The following RELN variants were observed in gnomAD, a reference collection of about 807,000 sequenced individuals.
The protein encoded by RELN is reelin.
RELN carries 108 observed loss-of-function variants against 427.6 expected under a neutral mutation model. The ratio of observed to expected loss-of-function variants is 0.25; its 90% CI spans 0.22 to 0.30. RELN has a LOEUF of 0.30. Among genes scored for constraint, RELN ranks in the 10% least tolerant of loss-of-function variants. RELN has a pLI of 1.00. For synonymous variants in RELN, 1,524 were observed against 1,513.4 expected (o/e 1.01, Z -0.16); for missense variants, 3,715 against 4,302.8 (o/e 0.86, Z 3.82).
chr7:103,694,750 C>A (rs976760259), intron 10 of RELN, among the ~76,000 whole-genome samples: 1 of 151,724 alleles, frequency 6.6e-6, no homozygotes, highest in Non-Finnish European at 1.5e-5. Context: ...ACCTTGAAGT[C>A]CTGGGCTCAA....
chr7:103,667,867 CA>C (rs1833305068), intron 11 of RELN, among the ~76,000 whole-genome samples: 1 of 152,138 alleles, frequency 6.6e-6, no homozygotes, highest in Non-Finnish European at 1.5e-5. Context: ...GAACACCAAA[CA>C]AATAGCATAT....
chr7:103,880,466 T>C (rs10953394), intron 2 of RELN, among the ~76,000 whole-genome samples: 1 of 151,956 alleles, frequency 6.6e-6, no homozygotes, highest in Non-Finnish European at 1.5e-5. Context: ...ATATATTCAA[T>C]GTCCAGTTCA....
intron 4 of RELN, among the ~76,000 whole-genome samples, chr7:103,770,168 C>G (rs192393043): frequency 6.6e-6 from 1 of 152,076 alleles, no homozygotes; most frequent in African/African-American, 2.4e-5. Context: ...CACTGCTACC[C>G]CCACCTCCTG....
intron 61 of RELN, among the ~76,000 whole-genome samples, chr7:103,485,025 A>C (rs76244556): frequency 0.015 from 2,289 of 152,282 alleles, 69 homozygotes; most frequent in African/African-American, 0.053. Flanking sequence ...GAAATAAATC[A>C]TCATAAGATT....
At chr7:103,859,377 T>C (rs1794019318) in intron 2 of RELN, among the ~76,000 whole-genome samples, 1 of 152,136 alleles carries the variant, frequency 6.6e-6, no homozygotes, top group East Asian at 1.9e-4. Context: ...CAGTGAAACC[T>C]CCACCTCCCA....
In RELN at chr7:103,482,864, G is replaced by C. The variant is rs1276708261; in HGVS notation, c.10280+9C>G. ...AATGGACATGGGATGCCATGTAATA[G>C]ATACTCACAGGACGACCTCCACATG... is the stretch of plus-strand genomic sequence containing the variant. On this transcript the variant is annotated intron_variant, in intron 63 of 64. Coordinates refer to ENST00000428762, the MANE Select transcript of RELN (RefSeq NM_005045.4). The C allele has an allele frequency of 6.2e-7, 1 of 1,613,970 alleles. No individual in the cohort carries two copies.
chr7:103,877,858 CTTTTT>C (rs34224768), intron 2 of RELN, among the ~76,000 whole-genome samples: 1 of 120,664 alleles, frequency 8.3e-6, no homozygotes, highest in South Asian at 2.9e-4. Flanking sequence ...CTCTCCCTGC[CTTTTT>C]TTTTTTTTTT....
rs774354428 is a variant in RELN at position 103,557,990 on chromosome 7, C to A, written c.5589G>T (p.Gln1863His). ...DLDCTNTMYV[Q>H]FSLRFIAKST... Reference sequence around the variant, plus strand: ...TTTTTGCTATAAATCTAAGTGAAAACTGGACATACATTGTATTTGTACAAT... The same window carrying A: ...TTTTTGCTATAAATCTAAGTGAAAAATGGACATACATTGTATTTGTACAAT... Residue 1863 changes from glutamine to histidine, a missense_variant, in exon 37 of 65, where the codon CAG (glutamine) becomes CAT (histidine). This residue lies in a region of RELN where 2,208 missense variants were observed against 2,361.7 expected (regional missense o/e 0.93). Transcript: ENST00000428762. The A allele has an allele frequency of 2.5e-5, 37 of 1,461,674 alleles. No homozygotes were observed. In the African/African-American group the frequency reaches 3.3e-4, roughly 13 times the overall value. The allele number at this position is 1,461,674 out of a possible 1,614,324, so 90.5% of individuals were successfully genotyped here.
chr7:103,698,263 T>A (rs900523963), intron 9 of RELN, among the ~76,000 whole-genome samples, 170 bp from the exon 10 acceptor site: 2 of 152,194 alleles, frequency 1.3e-5, no homozygotes, highest in Non-Finnish European at 2.9e-5. Context: ...TGCTGACTAT[T>A]AAGATTTTCA....
intron 24 of RELN, 34 bp from the exon 25 acceptor site, chr7:103,596,695 T>C (rs749609415): frequency 7.6e-6 from 12 of 1,583,272 alleles, no homozygotes; most frequent in Admixed American, 6.7e-5. Flanking sequence ...AATTCAGTAA[T>C]CTGGGAGTTC....
rs112421936 is a variant in RELN, at chr7:103,742,704, G to C, written c.656+6722C>G. 3.2e-3 allele frequency among the ~76,000 whole-genome samples: 486 copies of C among 152,274 alleles called. 5 individuals are homozygous for C. Among genetic ancestry groups the C allele is most frequent in the African/African-American group, 0.011 (476 of 41,540 alleles). ...AAATGAATGAAATGAAGCGAGAAGA[G>C]AAGTTTAGAGAAAGAATAAAAAGAA... On this transcript the variant is annotated intron_variant, in intron 6 of 64. Coordinates refer to ENST00000428762, the MANE Select transcript of RELN (RefSeq NM_005045.4).
intron 2 of RELN, among the ~76,000 whole-genome samples, chr7:103,896,316 C>T (rs1794958770): frequency 6.6e-6 from 1 of 151,952 alleles, no homozygotes; most frequent in Admixed American, 6.6e-5. Flanking sequence ...GGTATTTGCC[C>T]AATAAAAGTG....
chr7:103,612,240 C>T (rs753808002), intron 20 of RELN, among the ~76,000 whole-genome samples: 13 of 151,650 alleles, frequency 8.6e-5, no homozygotes, highest in South Asian at 2.1e-4. Context: ...GAGCACTTGA[C>T]GGAACATTAT....
intron 8 of RELN, among the ~76,000 whole-genome samples, chr7:103,702,885 T>C (rs562396515): frequency 6.6e-6 from 1 of 152,272 alleles, no homozygotes; most frequent in Non-Finnish European, 1.5e-5. Context: ...TCTGTGCTTA[T>C]AACAATTCCT....
chr7:103,658,396 A>T (rs1038420033), intron 12 of RELN, among the ~76,000 whole-genome samples: 1 of 152,038 alleles, frequency 6.6e-6, no homozygotes, highest in Non-Finnish European at 1.5e-5. Context: ...CTCATTCTAA[A>T]TCTCTTTCCA....
At chr7:103,585,063 C>T (rs1831238586) in intron 28 of RELN, among the ~76,000 whole-genome samples, 1 of 151,662 alleles carries the variant, frequency 6.6e-6, no homozygotes, top group African/African-American at 2.4e-5. Context: ...ACAGCAAAAG[C>T]AGTGCTAAAA....
intron 50 of RELN, among the ~76,000 whole-genome samples, chr7:103,512,570 G>A (rs957884778): frequency 2.0e-5 from 3 of 152,274 alleles, no homozygotes; most frequent in South Asian, 4.1e-4. Flanking sequence ...GTAAGACTAT[G>A]AATTGATTAA....
chr7:103,663,452 C>G (rs1833188332), intron 11 of RELN, among the ~76,000 whole-genome samples: 1 of 152,160 alleles, frequency 6.6e-6, no homozygotes, highest in African/African-American at 2.4e-5. Flanking sequence ...CCTCTGCTTT[C>G]TCTAGTCACA....
chr7:103,735,245 C>T (rs1033895346), intron 6 of RELN, among the ~76,000 whole-genome samples: 4 of 151,948 alleles, frequency 2.6e-5, no homozygotes, highest in African/African-American at 9.7e-5. Context: ...TATTAGTTCT[C>T]TATTTTTTAT....
Sources: gnomAD v4.1 joint callset for allele counts (sites outside exome capture counted in the v4.1 genomes callset) on GRCh38, gnomAD v4.1.1 for gene constraint, gnomAD v4.1.1 regional missense constraint, MANE v1.5 for transcripts, NCBI Gene and HGNC (gene_info 2026-07-23, HGNC 2026-07-21) for gene names.